ZNF385D: variants seen among roughly 807,000 people sequenced by gnomAD.
ZNF385D encodes the protein zinc finger protein 385D.
ZNF385D carries 15 observed loss-of-function variants against 35.8 expected under a neutral mutation model. The ratio of observed to expected loss-of-function variants is 0.42; its 90% CI spans 0.28 to 0.64. The LOEUF (loss-of-function observed/expected upper bound fraction) is 0.64, where lower values mean the gene tolerates loss of function less well. Among genes scored for constraint, ZNF385D ranks in the 30% least tolerant of loss-of-function variants. The pLI is 0.23. For synonymous variants in ZNF385D, 212 were observed against 186.8 expected (o/e 1.13, Z -1.10); for missense variants, 474 against 494.6 (o/e 0.96, Z 0.39).
At chr3:22,211,583 T>A (rs1187897771) in intron 2 of ZNF385D, among the ~76,000 whole-genome samples, 2 of 152,030 alleles carry the variant, frequency 1.3e-5, no homozygotes, top group Non-Finnish European at 2.9e-5. Context: ...ACTGTATGTG[T>A]TCTTCCTGTA....
At chr3:22,076,026 TC>T (rs1700446883) in intron 3 of ZNF385D, among the ~76,000 whole-genome samples, 1 of 151,884 alleles carries the variant, frequency 6.6e-6, no homozygotes, top group African/African-American at 2.4e-5. Context: ...ATGAAATTCA[TC>T]CAGCTTTGTC....
intron 5 of ZNF385D, among the ~76,000 whole-genome samples, chr3:21,432,485 A>C (rs1027736556): frequency 6.6e-6 from 1 of 152,148 alleles, no homozygotes; most frequent in Non-Finnish European, 1.5e-5. Context: ...ATGAGCTTTA[A>C]CTATAAACGA....
chr3:22,149,838 T>G (rs1167277237), intron 3 of ZNF385D, among the ~76,000 whole-genome samples: 2 of 152,030 alleles, frequency 1.3e-5, no homozygotes, highest in African/African-American at 4.8e-5. Context: ...GTCTCAGACT[T>G]TTTTTTGTCT....
chr3:22,372,343 G>T, intron 2 of ZNF385D: 1 of 687,678 alleles, frequency 1.5e-6, no homozygotes, highest in Non-Finnish European at 1.8e-6. Flanking sequence ...GCGAGCCCCA[G>T]CCCCTCGCGC....
intron 2 of ZNF385D, among the ~76,000 whole-genome samples, chr3:21,580,724 A>G (rs1165718629): frequency 6.6e-6 from 1 of 151,952 alleles, no homozygotes; most frequent in East Asian, 1.9e-4. Context: ...ACATAAGAAT[A>G]TCCTTGTTTT....
chr3:22,351,963 A>C, intron 2 of ZNF385D, among the ~76,000 whole-genome samples: 1 of 152,270 alleles, frequency 6.6e-6, no homozygotes, highest in East Asian at 1.9e-4. Context: ...GCTTTCTTTT[A>C]TACATCTTTT....
At chr3:21,867,162 T>C (rs974229934) in intron 3 of ZNF385D, among the ~76,000 whole-genome samples, 1 of 152,100 alleles carries the variant, frequency 6.6e-6, no homozygotes, top group Non-Finnish European at 1.5e-5. Flanking sequence ...TGTCCTCACA[T>C]CACAGAGAGC....
intron 1 of ZNF385D, among the ~76,000 whole-genome samples, chr3:21,682,099 A>G (rs2066929675): frequency 6.6e-6 from 1 of 152,208 alleles, no homozygotes; most frequent in Non-Finnish European, 1.5e-5. Context: ...GATGTAAGCC[A>G]CATTTGATGG....
chr3:21,963,634 C>T (rs907981764), intron 3 of ZNF385D, among the ~76,000 whole-genome samples: 6 of 152,174 alleles, frequency 3.9e-5, no homozygotes, highest in African/African-American at 1.4e-4. Context: ...TTTCTCCATT[C>T]ATACGCCTTT....
Position 22,252,744 on chromosome 3 carries a change from G to C in ZNF385D, c.107-83709C>G, listed in dbSNP as rs79222655. On this transcript the variant is annotated intron_variant, in intron 2 of 5. Transcript: ENST00000494108. The stretch of plus-strand genomic sequence containing the variant: ...ATGGAAAAGAGCATGACATAAAAAA[G>C]AATTAACGTTTTCACATAGGCCATA... Among the ~76,000 whole-genome samples the C allele has an allele frequency of 5.9e-3, 899 of 152,106 alleles. 6 individuals are homozygous for C. Among genetic ancestry groups the C allele is most frequent in the African/African-American group, 0.02 (850 of 41,520 alleles).
intron 3 of ZNF385D, among the ~76,000 whole-genome samples, chr3:21,765,226 G>A (rs1240151115): frequency 6.6e-6 from 1 of 152,066 alleles, no homozygotes; most frequent in Non-Finnish European, 1.5e-5. Context: ...GTGAGAGAGA[G>A]AGAGAGAGAG....
chr3:21,701,883 G>T (rs970404540), intron 1 of ZNF385D, among the ~76,000 whole-genome samples: 1 of 152,184 alleles, frequency 6.6e-6, no homozygotes, highest in Non-Finnish European at 1.5e-5. Context: ...GATGCAAGTG[G>T]TTGGTTCTCA....
At chr3:22,038,003 G>T (rs1158715482) in intron 3 of ZNF385D, among the ~76,000 whole-genome samples, 1 of 152,082 alleles carries the variant, frequency 6.6e-6, no homozygotes, top group Non-Finnish European at 1.5e-5. Context: ...AATAAATGGT[G>T]CTGGGAAAAC....
intron 3 of ZNF385D, among the ~76,000 whole-genome samples, chr3:22,145,509 G>T (rs1704795364): frequency 6.6e-6 from 1 of 152,182 alleles, no homozygotes; most frequent in African/African-American, 2.4e-5. Context: ...TCTCTAGTAA[G>T]ACTAATGACA....
chr3:21,596,670 G>T (rs1450047607), intron 2 of ZNF385D, among the ~76,000 whole-genome samples: 2 of 150,540 alleles, frequency 1.3e-5, no homozygotes, highest in Admixed American at 6.6e-5. Flanking sequence ...TACAGTTGGG[G>T]GTCTTACTGT....
At chr3:21,516,017 C>T (rs1487910461) in intron 3 of ZNF385D, among the ~76,000 whole-genome samples, 1 of 152,124 alleles carries the variant, frequency 6.6e-6, no homozygotes, top group African/African-American at 2.4e-5. Context: ...CACCAAAACT[C>T]ATGACTCATG....
At chr3:22,356,937 T>C (rs1419212336) in intron 2 of ZNF385D, among the ~76,000 whole-genome samples, 2 of 151,844 alleles carry the variant, frequency 1.3e-5, no homozygotes, top group African/African-American at 2.4e-5. Context: ...AGTAAAACAT[T>C]TACTATCCAA....
chr3:21,459,897 G>T (rs1331571663), intron 4 of ZNF385D, among the ~76,000 whole-genome samples: 1 of 150,298 alleles, frequency 6.7e-6, no homozygotes, highest in Non-Finnish European at 1.5e-5. Flanking sequence ...CTCCAAGTCT[G>T]GGAATATGAA....
chr3:21,924,611 C>G (rs1028515573), intron 3 of ZNF385D, among the ~76,000 whole-genome samples: 1 of 149,716 alleles, frequency 6.7e-6, no homozygotes, highest in African/African-American at 2.6e-5. Flanking sequence ...TCTCCTGTAC[C>G]CTTTACTCTT....
Sources: gnomAD v4.1 joint callset for allele counts (sites outside exome capture counted in the v4.1 genomes callset) on GRCh38, gnomAD v4.1.1 for gene constraint, MANE v1.5 for transcripts, NCBI Gene and HGNC (gene_info 2026-07-23, HGNC 2026-07-21) for gene names.